The following HHIP variants were observed in gnomAD, a reference collection of about 807,000 sequenced individuals.
The protein encoded by HHIP is hedgehog-interacting protein.
A neutral mutation model predicts 74.0 loss-of-function variants in HHIP; 12 were observed. The ratio of observed to expected loss-of-function variants is 0.16; its 90% CI spans 0.10 to 0.26. The LOEUF is 0.26. Among genes scored for constraint, HHIP ranks in the 10% least tolerant of loss-of-function variants. The pLI, the probability that HHIP is intolerant of heterozygous loss-of-function variation, is 1.00. For missense variants in HHIP, 788 were observed against 845.0 expected (o/e 0.93, Z 0.84); for synonymous variants, 309 against 311.6 (o/e 0.99, Z 0.09).
At chr4:144,678,391 CT>C (rs927017988) in intron 4 of HHIP, among the ~76,000 whole-genome samples, 1 of 152,138 alleles carries the variant, frequency 6.6e-6, no homozygotes. Context: ...AGAAGTATGA[CT>C]TTTTTTATTA....
rs1024177687 is a variant in HHIP at position 144,646,447 on chromosome 4, C to T, written c.-229C>T. ...ACTGCAAACGGTGTCATCCGCACAA[C>T]TTTATCTCGCTCCTCGGGCTCCCCT... On this transcript the variant is annotated 5_prime_UTR_variant, in exon 1 of 13. Transcript: ENST00000296575. 14 of 494,216 alleles carry T rather than the reference C, an allele frequency of 2.8e-5. No homozygotes were observed. Among genetic ancestry groups the T allele is most frequent in the African/African-American group, 3.8e-5 (2 of 52,032 alleles). 30.6% of individuals were successfully genotyped at this position (494,216 alleles called of 1,614,324 possible).
At position 144,659,652 on chromosome 4, in the gene HHIP, C is replaced by A; in HGVS notation, c.645C>A (p.Asn215Lys). 6.7e-7 allele frequency: 1 copy of A among 1,492,764 alleles called. No homozygotes were observed. Among genetic ancestry groups the A allele is most frequent in the Non-Finnish European group, 8.9e-7 (1 of 1,123,214 alleles). 92.5% of individuals were successfully genotyped at this position (1,492,764 alleles called of 1,614,324 possible). ...VEEISRKHKH[N>K]CFCIQEVVSG... is the part of the protein sequence containing the mutation. The stretch of plus-strand genomic sequence containing the variant: ...ATTTGTTTAGAAAGCACAAACACAA[C>A]TGCTTCTGTATTCAGGAGGTTGTGA... The change falls in exon 4 of 13, where the codon AAC becomes AAA. Residue 215 changes from asparagine (N) to lysine (K), a missense_variant. Asn to Lys is a moderately conservative substitution (Grantham distance 94). Around this residue, in one of 3 missense-constraint regions of HHIP, gnomAD observed 373 missense variants for 366.4 expected, o/e 1.02. Transcript: ENST00000296575.
chr4:144,717,458 T>C (rs1339694532), intron 10 of HHIP, among the ~76,000 whole-genome samples: 1 of 152,190 alleles, frequency 6.6e-6, no homozygotes, highest in Non-Finnish European at 1.5e-5. Context: ...AGTAGCAGGG[T>C]GTGTTTAATG....
At chr4:144,654,536 T>C (rs17019593) in intron 2 of HHIP, among the ~76,000 whole-genome samples, 1 of 152,160 alleles carries the variant, frequency 6.6e-6, no homozygotes, top group African/African-American at 2.4e-5. Context: ...TTCTCAATAC[T>C]TGCCCCAAAA....
At chr4:144,651,437 T>C (rs1032274249) in intron 1 of HHIP, among the ~76,000 whole-genome samples, 3 of 152,148 alleles carry the variant, frequency 2.0e-5, no homozygotes, top group Admixed American at 1.3e-4. Context: ...TAGAATATCA[T>C]TATCCCAAAA....
chr4:144,703,815 G>T (rs1460597570), intron 4 of HHIP, among the ~76,000 whole-genome samples: 3 of 152,162 alleles, frequency 2.0e-5, no homozygotes, highest in African/African-American at 7.2e-5. Context: ...ATATCTGGTG[G>T]TGTTTCTGAT....
In HHIP at chr4:144,706,534, G is replaced by A. The variant is rs1730151146; in HGVS notation, c.835G>A (p.Gly279Arg). ...TGTGTTTTTCATTTGACTGCAGGGA[G>A]GAGATGAAAGAGGACTGCTAAGCCT... ...HKLVQSGIKG[G>R]DERGLLSLAF... The change falls in exon 5 of 13, where the codon GGA (glycine) becomes AGA (arginine). Residue 279 changes from glycine to arginine, a missense_variant. Physicochemically the swap from Gly to Arg is moderately radical, Grantham distance 125. Transcript: ENST00000296575. 6.2e-7 allele frequency: 1 copy of A among 1,604,954 alleles called. No individual in the cohort carries two copies. Among genetic ancestry groups the A allele is most frequent in the South Asian group, 1.1e-5 (1 of 88,832 alleles).
intron 4 of HHIP, among the ~76,000 whole-genome samples, chr4:144,670,275 A>G (rs1284320276): frequency 6.6e-6 from 1 of 151,732 alleles, no homozygotes; most frequent in East Asian, 1.9e-4. Flanking sequence ...AGCCTGGCCC[A>G]CATAGTGAAA....
intron 9 of HHIP, among the ~76,000 whole-genome samples, chr4:144,714,725 AT>A: frequency 6.6e-6 from 1 of 152,282 alleles, no homozygotes; most frequent in East Asian, 1.9e-4. Context: ...AAGGCTCAAG[AT>A]TTTTGGTTTT....
chr4:144,708,443 C>G (rs1730207925), intron 7 of HHIP, 132 bp downstream of exon 7: 23 of 763,632 alleles, frequency 3.0e-5, no homozygotes, highest in Non-Finnish European at 4.4e-5. Context: ...CCTCTAAAGT[C>G]ACAACAGGTC....
At chr4:144,682,745 T>A (rs1729381306) in intron 4 of HHIP, among the ~76,000 whole-genome samples, 1 of 152,246 alleles carries the variant, frequency 6.6e-6, no homozygotes, top group African/African-American at 2.4e-5. Context: ...ACTAAGACTC[T>A]AAGAACAAGT....
chr4:144,692,256 C>T (rs557630550), intron 4 of HHIP, among the ~76,000 whole-genome samples: 1 of 152,068 alleles, frequency 6.6e-6, no homozygotes, highest in Non-Finnish European at 1.5e-5. Flanking sequence ...GCCTGGAAGT[C>T]ACATAAGCGA....
At chr4:144,693,000 G>A (rs1365032766) in intron 4 of HHIP, among the ~76,000 whole-genome samples, 1 of 152,116 alleles carries the variant, frequency 6.6e-6, no homozygotes, top group African/African-American at 2.4e-5. Context: ...GAAGCAACTG[G>A]CATACCACAT....
At chr4:144,673,820 CT>C (rs930851491) in intron 4 of HHIP, among the ~76,000 whole-genome samples, 32 of 152,278 alleles carry the variant, frequency 2.1e-4, no homozygotes, top group African/African-American at 7.7e-4. Flanking sequence ...TAATGGGTTT[CT>C]TCTTTGTTGT....
chr4:144,733,345 G>C (rs7692915), intron 11 of HHIP, among the ~76,000 whole-genome samples: 1 of 151,950 alleles, frequency 6.6e-6, no homozygotes, highest in Non-Finnish European at 1.5e-5. Flanking sequence ...TAGCACTTTC[G>C]ACATAGAGTG....
chr4:144,675,207 G>A (rs1045308418), intron 4 of HHIP, among the ~76,000 whole-genome samples: 32 of 152,054 alleles, frequency 2.1e-4, no homozygotes, highest in Non-Finnish European at 4.1e-4. Context: ...ATAAAATTTA[G>A]GAAACACTGC....
intron 11 of HHIP, among the ~76,000 whole-genome samples, chr4:144,728,332 T>C (rs1481253124): frequency 1.3e-5 from 2 of 152,082 alleles, no homozygotes; most frequent in Non-Finnish European, 1.5e-5. Flanking sequence ...ATGAAGAAAA[T>C]ATTAGTCGCA....
intron 11 of HHIP, among the ~76,000 whole-genome samples, chr4:144,726,400 C>T (rs1383393860): frequency 6.6e-6 from 1 of 151,996 alleles, no homozygotes; most frequent in East Asian, 1.9e-4. Context: ...GAAGTTGGTC[C>T]CATCCCCTAA....
intron 4 of HHIP, among the ~76,000 whole-genome samples, chr4:144,684,232 A>ATTTTTTTTTTTT (rs1174297815): frequency 4.8e-5 from 3 of 63,008 alleles, no homozygotes; most frequent in Non-Finnish European, 6.2e-5. Context: ...AAAAAAAAGA[A>ATTTTTTTTTTTT]TTTTTTTTTT....
Sources: allele counts gnomAD v4.1 joint callset (sites outside exome capture counted in the v4.1 genomes callset), GRCh38; gene constraint gnomAD v4.1.1; regional missense constraint gnomAD v4.1.1; transcripts MANE v1.5; gene names NCBI Gene and HGNC (gene_info 2026-07-23, HGNC 2026-07-21).